The following NFAT5 variants were observed in gnomAD, a reference collection of about 807,000 sequenced individuals.
The protein encoded by NFAT5 is nuclear factor of activated T cells 5.
In NFAT5, 31 loss-of-function variants were observed where a neutral mutation model predicts 166.5. The observed-to-expected ratio is 0.19, with a 90% CI of 0.14 to 0.25. The LOEUF is 0.25. Among genes scored for constraint, NFAT5 ranks in the 10% least tolerant of loss-of-function variants. The pLI is 1.00. For synonymous variants in NFAT5, 612 were observed against 639.7 expected, an observed-to-expected ratio of 0.96 and a Z score of 0.65; for missense variants, 1,449 against 1,821.8, an observed-to-expected ratio of 0.80 and a Z score of 3.72.
At chr16:69,674,406 A>T (rs542103358) in intron 9 of NFAT5, among the ~76,000 whole-genome samples, 1 of 152,054 alleles carries the variant, frequency 6.6e-6, no homozygotes, top group East Asian at 1.9e-4. Context: ...CATTATGTCT[A>T]TTCCCTTTTA....
chr16:69,609,501 A>G (rs1254434813), intron 2 of NFAT5, among the ~76,000 whole-genome samples: 1 of 152,232 alleles, frequency 6.6e-6, no homozygotes, highest in South Asian at 2.1e-4. Context: ...AGTTGTACGG[A>G]AAGTAAGGGA....
intron 1 of NFAT5, among the ~76,000 whole-genome samples, chr16:69,567,874 A>G (rs2016164010): frequency 6.6e-6 from 1 of 152,240 alleles, no homozygotes; most frequent in Admixed American, 6.5e-5. Context: ...AGACATTAAC[A>G]CCATTTGGGG....
At chr16:69,627,437 C>T (rs1432772578) in intron 3 of NFAT5, among the ~76,000 whole-genome samples, 4 of 149,228 alleles carry the variant, frequency 2.7e-5, no homozygotes, top group African/African-American at 9.8e-5. Context: ...TGACACCTCT[C>T]ATCTTTAAAA....
chr16:69,668,123 C>A (rs987908238), intron 7 of NFAT5, among the ~76,000 whole-genome samples: 1 of 152,062 alleles, frequency 6.6e-6, no homozygotes, highest in African/African-American at 2.4e-5. Context: ...TGTGCCAGCA[C>A]ACCCAGCTAA....
intron 2 of NFAT5, among the ~76,000 whole-genome samples, chr16:69,617,205 G>C (rs891309651): frequency 2.6e-5 from 4 of 152,074 alleles, no homozygotes; most frequent in Non-Finnish European, 4.4e-5. Flanking sequence ...GCCTCCCAAA[G>C]TGCTGGGATT....
intron 5 of NFAT5, among the ~76,000 whole-genome samples, chr16:69,654,058 T>G (rs1053965476): frequency 1.6e-4 from 25 of 151,938 alleles, no homozygotes; most frequent in Non-Finnish European, 1.3e-4. Context: ...TGAGTCTTAA[T>G]TTTTTTTACA....
chr16:69,693,119 T>C lies in NFAT5; in HGVS notation c.3294T>C (p.Asp1098=). The C allele has an allele frequency of 1.2e-6, 2 of 1,614,164 alleles. No individual in the cohort carries two copies. The highest frequency in any genetic ancestry group is 1.7e-5 in the Admixed American group (1 of 60,016). ...TTCATCCTCAAAATCCTATTGCCGATGCTCAGAACCTTTCCCAGGAAACTC... is the reference window on the plus strand; with the variant it reads ...TTCATCCTCAAAATCCTATTGCCGACGCTCAGAACCTTTCCCAGGAAACTC... ...QLFHPQNPIA[D]AQNLSQETQG... Residue 1098 remains aspartate, a synonymous_variant, in exon 13 of 15, where the codon GAT becomes GAC. Coordinates refer to ENST00000349945, the MANE Select transcript of NFAT5 (RefSeq NM_138713.4).
intron 2 of NFAT5, among the ~76,000 whole-genome samples, chr16:69,581,265 C>T (rs1038150634): frequency 6.6e-6 from 1 of 152,174 alleles, no homozygotes; most frequent in Non-Finnish European, 1.5e-5. Flanking sequence ...TGGTCTCGAA[C>T]TCCCGAGTTC....
chr16:69,684,998 G>A (rs368231474), intron 11 of NFAT5, 28 bp downstream of exon 11: 81 of 1,505,414 alleles, frequency 5.4e-5, no homozygotes, highest in Admixed American at 3.6e-4. Flanking sequence ...CTCAAAAATC[G>A]TAATTGGGTG....
At chr16:69,624,784 ATCT>A (rs1042876915) in intron 2 of NFAT5, among the ~76,000 whole-genome samples, 16 of 152,026 alleles carry the variant, frequency 1.1e-4, no homozygotes, top group Admixed American at 2.6e-4. Flanking sequence ...ATAATTAATA[ATCT>A]TCTTCAATTT....
At chr16:69,667,807 C>T (rs946175337) in intron 7 of NFAT5, among the ~76,000 whole-genome samples, 89 of 152,200 alleles carry the variant, frequency 5.8e-4, no homozygotes, top group African/African-American at 2.1e-3. Context: ...GTATCTATTT[C>T]CTGTTACTCC....
chr16:69,593,447 A>C (rs550490275), intron 2 of NFAT5, among the ~76,000 whole-genome samples: 4 of 151,508 alleles, frequency 2.6e-5, no homozygotes, highest in African/African-American at 7.3e-5. Flanking sequence ...AGTTGCTGGG[A>C]CCACAGGTGT....
intron 2 of NFAT5, among the ~76,000 whole-genome samples, chr16:69,607,413 A>G (rs570956160): frequency 2.0e-5 from 3 of 152,348 alleles, no homozygotes; most frequent in Admixed American, 6.5e-5. Context: ...ATTACAATAA[A>G]TACTTGAAAT....
rs936462707 is a variant in NFAT5 at position 69,657,983 on chromosome 16, G to C, written c.1197-1744G>C. Among the ~76,000 whole-genome samples the C allele has an allele frequency of 2.8e-5, 4 of 143,142 alleles. No homozygotes were observed. In the East Asian group the frequency reaches 9.4e-4, roughly 34 times the overall value. 93.9% of individuals were successfully genotyped at this position (143,142 alleles called of 152,430 possible). A position where few individuals can be genotyped will look rare whatever the true frequency, so the allele number is the denominator to read the frequency against. ...GCCTGTAGTCCCAGCTACTCCAGAGGCTGAGGCAGGAGAATGGCGTGAACC... is the reference window on the plus strand; with the variant it reads ...GCCTGTAGTCCCAGCTACTCCAGAGCCTGAGGCAGGAGAATGGCGTGAACC... On this transcript the variant is annotated intron_variant, in intron 6 of 14. Transcript: ENST00000349945.
At chr16:69,623,036 T>C (rs1294561732) in intron 2 of NFAT5, among the ~76,000 whole-genome samples, 1 of 151,868 alleles carries the variant, frequency 6.6e-6, no homozygotes, top group African/African-American at 2.4e-5. Flanking sequence ...TCTCAGCAAC[T>C]TGGGAGGCTG....
chr16:69,655,417 A>G (rs1190818404), intron 5 of NFAT5, among the ~76,000 whole-genome samples, 192 bp from the exon 6 acceptor site: 2 of 152,306 alleles, frequency 1.3e-5, no homozygotes, highest in East Asian at 3.9e-4. Flanking sequence ...TACAGAATTA[A>G]AACTATGACT....
chr16:69,625,954 T>TA lies in NFAT5; in HGVS notation c.128-442dup, dbSNP rs200485842. ...TAAGATTATATAATAAAATAAAAAATAAAAAAATTTTTTTTTTTTTTTTGA... is the reference window on the plus strand; with the variant it reads ...TAAGATTATATAATAAAATAAAAAATAAAAAAAATTTTTTTTTTTTTTTTGA... On this transcript the variant is annotated intron_variant, in intron 2 of 14. Transcript: ENST00000349945. Among the ~76,000 whole-genome samples the TA allele has an allele frequency of 2.4e-3, 357 of 148,024 alleles. 3 individuals carry two copies. The highest frequency in any genetic ancestry group is 7.5e-3 in the South Asian group (35 of 4,694).
At position 69,693,262 on chromosome 16, in the gene NFAT5, G is replaced by A; in HGVS notation, c.3437G>A (p.Gly1146Asp). 6.2e-7 allele frequency: 1 copy of A among 1,614,112 alleles called. No homozygotes were observed. The highest frequency in any genetic ancestry group is 8.5e-7 in the Non-Finnish European group (1 of 1,180,032). Residue 1146 changes from glycine (G) to aspartate (D), a missense_variant, in exon 13 of 15, where the codon GGC becomes GAC. Physicochemically the swap from Gly to Asp is moderately conservative, Grantham distance 94 (BLOSUM62 -1). Around this residue, in one of 7 missense-constraint regions of NFAT5, gnomAD observed 891 missense variants for 993.0 expected, o/e 0.90. Transcript: ENST00000349945. Reference protein sequence around the residue: ...HSQSTIAVLQGSSVPQDQQST... With the variant: ...HSQSTIAVLQDSSVPQDQQST... ...CAAAGTACCATTGCTGTGTTACAGG[G>A]CTCTTCAGTTCCTCAAGACCAGCAG...
chr16:69,601,326 A>G (rs1364407820), intron 2 of NFAT5, among the ~76,000 whole-genome samples: 1 of 152,156 alleles, frequency 6.6e-6, no homozygotes, highest in Non-Finnish European at 1.5e-5. Context: ...ATGTTATTAA[A>G]TATAGATACA....
Sources: gnomAD v4.1 joint callset for allele counts (sites outside exome capture counted in the v4.1 genomes callset) on GRCh38, gnomAD v4.1.1 for gene constraint, gnomAD v4.1.1 regional missense constraint, MANE v1.5 for transcripts, NCBI Gene and HGNC (gene_info 2026-07-23, HGNC 2026-07-21) for gene names.